CDCP1: variants seen among roughly 807,000 people sequenced by gnomAD.
The protein encoded by CDCP1 is CUB domain containing protein 1.
CDCP1 carries 29 observed loss-of-function variants against 60.2 expected under a neutral mutation model. The observed-to-expected ratio is 0.48, with a 90% CI of 0.36 to 0.66. The LOEUF (loss-of-function observed/expected upper bound fraction) is 0.66. Among genes scored for constraint, CDCP1 ranks in the 30% least tolerant of loss-of-function variants. The pLI, the probability that CDCP1 is intolerant of heterozygous loss-of-function variation, is 0.00. For synonymous variants in CDCP1, 387 were observed against 431.1 expected, an observed-to-expected ratio of 0.90 and a Z score of 1.27; for missense variants, 876 against 1,074.3, an observed-to-expected ratio of 0.82 and a Z score of 2.58.
At chr3:45,095,083 G>A (rs759132136) in intron 5 of CDCP1, among the ~76,000 whole-genome samples, 21 of 152,034 alleles carry the variant, frequency 1.4e-4, no homozygotes, top group Non-Finnish European at 2.8e-4. Context: ...ATAGGCGCCT[G>A]CCACCATGCC....
At chr3:45,141,075 C>T (rs1699280308) in intron 1 of CDCP1, among the ~76,000 whole-genome samples, 1 of 152,144 alleles carries the variant, frequency 6.6e-6, no homozygotes, top group Admixed American at 6.5e-5. Context: ...GTTGTGCACG[C>T]CTGTAATTCC....
chr3:45,108,940 TATATATATATATA>T, intron 4 of CDCP1, among the ~76,000 whole-genome samples: 1 of 55,878 alleles, frequency 1.8e-5, no homozygotes, highest in African/African-American at 6.1e-5. Flanking sequence ...TGTATACATA[TATATATATATATA>T]TTTTTTTTTT....
intron 1 of CDCP1, among the ~76,000 whole-genome samples, chr3:45,120,764 C>A (rs1698868490): frequency 6.6e-6 from 1 of 152,134 alleles, no homozygotes; most frequent in Admixed American, 6.5e-5. Context: ...AACCTCTTTC[C>A]CACCTCAGGG....
intron 1 of CDCP1, among the ~76,000 whole-genome samples, chr3:45,143,915 A>G (rs1450789507): frequency 6.6e-6 from 1 of 152,194 alleles, no homozygotes; most frequent in Admixed American, 6.5e-5. Context: ...TTGAATCGGA[A>G]ACAGAATGAA....
chr3:45,092,889 T>C (rs1183336203), intron 6 of CDCP1, among the ~76,000 whole-genome samples: 1 of 152,162 alleles, frequency 6.6e-6, no homozygotes, highest in Non-Finnish European at 1.5e-5. Context: ...CATTCTGAAT[T>C]GTAAAAGCAG....
At chr3:45,136,349 G>A (rs182199313) in intron 1 of CDCP1, among the ~76,000 whole-genome samples, 1 of 152,296 alleles carries the variant, frequency 6.6e-6, no homozygotes, top group African/African-American at 2.4e-5. Context: ...CCTTACAGTA[G>A]AAGTTAGCCC....
At chr3:45,107,488 G>A (rs531023677) in intron 4 of CDCP1, among the ~76,000 whole-genome samples, 106 of 152,008 alleles carry the variant, frequency 7.0e-4, no homozygotes, top group Non-Finnish European at 1.3e-3. Context: ...TTACAGTCAT[G>A]AGCCACCGCG....
chr3:45,090,161 C>G (rs1413383431), intron 7 of CDCP1, among the ~76,000 whole-genome samples: 1 of 152,170 alleles, frequency 6.6e-6, no homozygotes, highest in Non-Finnish European at 1.5e-5. Flanking sequence ...TGAGGCTAAC[C>G]AGTTGTGTGG....
intron 4 of CDCP1, among the ~76,000 whole-genome samples, chr3:45,106,812 G>A (rs1440842190): frequency 6.6e-6 from 1 of 152,132 alleles, no homozygotes; most frequent in Non-Finnish European, 1.5e-5. Flanking sequence ...GGGGTCGAGG[G>A]GGAAACTAGC....
intron 7 of CDCP1, 30 bp from the exon 8 acceptor site, chr3:45,089,171 AAGAGGC>A: frequency 6.3e-7 from 1 of 1,585,022 alleles, no homozygotes; most frequent in Admixed American, 1.7e-5. Context: ...GAGACAGATG[AAGAGGC>A]AGCTGGGGTG....
At chr3:45,138,954 G>C (rs903626567) in intron 1 of CDCP1, among the ~76,000 whole-genome samples, 1 of 152,226 alleles carries the variant, frequency 6.6e-6, no homozygotes, top group Non-Finnish European at 1.5e-5. Context: ...CATCTGGTGA[G>C]GGCCTCAGGC....
chr3:45,129,100 T>C (rs1203350618), intron 1 of CDCP1, among the ~76,000 whole-genome samples: 5 of 152,270 alleles, frequency 3.3e-5, no homozygotes, highest in Admixed American at 2.6e-4. Context: ...ATGCTTTGAA[T>C]CATTTTTCTA....
intron 1 of CDCP1, among the ~76,000 whole-genome samples, chr3:45,144,609 A>G (rs1699348596): frequency 6.6e-6 from 1 of 152,194 alleles, no homozygotes. Context: ...CCAGGAACAG[A>G]GGCTCTCATT....
chr3:45,143,222 G>T (rs148169335), intron 1 of CDCP1, among the ~76,000 whole-genome samples: 4 of 152,236 alleles, frequency 2.6e-5, no homozygotes, highest in Admixed American at 2.6e-4. Context: ...TAAAAAAAGA[G>T]TGTGCAGAAC....
At position 45,095,436 on chromosome 3, in the gene CDCP1, T is replaced by G. The variant is rs1272493694; in HGVS notation, c.1157A>C (p.Asn386Thr). Residue 386 changes from asparagine to threonine, a missense_variant, in exon 5 of 9, where the codon AAC becomes ACC. This residue lies in a region of CDCP1 where 726 missense variants were observed against 935.7 expected (regional missense o/e 0.78). Coordinates refer to ENST00000296129, the MANE Select transcript of CDCP1 (RefSeq NM_022842.5). ...TTTGGAGCCAGATGTCAGGGTGAGGTTGCTACTGCAGGTCCGAGATTCTAG... is the reference window on the plus strand; with the variant it reads ...TTTGGAGCCAGATGTCAGGGTGAGGGTGCTACTGCAGGTCCGAGATTCTAG... ...VCLESRTCSS[N>T]LTLTSGSKHK... 6.2e-7 allele frequency: 1 copy of G among 1,614,006 alleles called. No individual in the cohort carries two copies. Among genetic ancestry groups the G allele is most frequent in the East Asian group, 2.2e-5 (1 of 44,884 alleles).
chr3:45,091,512 C>T lies in CDCP1; in HGVS notation c.1654G>A (p.Asp552Asn). 6.2e-7 allele frequency: 1 copy of T among 1,605,566 alleles called. No individual in the cohort carries two copies. The highest frequency in any genetic ancestry group is 1.1e-5 in the South Asian group (1 of 90,076). The change falls in exon 7 of 9, where the codon GAC becomes AAC. Residue 552 changes from aspartate (D) to asparagine (N), a missense_variant. Around this residue, in one of 2 missense-constraint regions of CDCP1, gnomAD observed 726 missense variants for 935.7 expected, o/e 0.78. Coordinates refer to ENST00000296129, the MANE Select transcript of CDCP1 (RefSeq NM_022842.5). The surrounding 1 kb of genome is among the most constrained non-coding windows in gnomAD (Gnocchi z 4.8). ...CTCAGGTAGACCTTGCTTTTTGTGTCAGGGGTCACCGTGAAAACGCCTTCC... is the reference window on the plus strand; with the variant it reads ...CTCAGGTAGACCTTGCTTTTTGTGTTAGGGGTCACCGTGAAAACGCCTTCC... ...KEEGVFTVTP[D>N]TKSKVYLRTP...
chr3:45,118,564 C>G lies in CDCP1; in HGVS notation c.140G>C (p.Gly47Ala), dbSNP rs201428545. The G allele has an allele frequency of 1.2e-6, 2 of 1,614,078 alleles. No individual in the cohort carries two copies. The highest frequency in any genetic ancestry group is 1.3e-5 in the African/African-American group (1 of 75,042). The change falls in exon 2 of 9, where the codon GGG becomes GCG. Residue 47 changes from glycine to alanine, a missense_variant. Physicochemically the swap from Gly to Ala is moderately conservative, Grantham distance 60. This residue lies in a region of CDCP1 where 150 missense variants were observed against 138.6 expected (regional missense o/e 1.08). Coordinates refer to ENST00000296129, the MANE Select transcript of CDCP1 (RefSeq NM_022842.5). ...ESNITVLIKL[G>A]TPTLLAKPCY... Reference sequence around the variant, plus strand: ...GGGTTTTGCCAGCAGAGTCGGGGTCCCCAGCTTTATGAGAACTGTAATGTT... The same window carrying G: ...GGGTTTTGCCAGCAGAGTCGGGGTCGCCAGCTTTATGAGAACTGTAATGTT...
chr3:45,142,135 G>T (rs1366787005), intron 1 of CDCP1, among the ~76,000 whole-genome samples: 1 of 151,966 alleles, frequency 6.6e-6, no homozygotes, highest in African/African-American at 2.4e-5. Context: ...GCCTGGCTCG[G>T]TATAAACTTT....
At position 45,112,354 on chromosome 3, in the gene CDCP1, A is replaced by C; in HGVS notation, c.384T>G (p.Asp128Glu). ...LPTLNRTFIWDVKAHKSIGLE... is the reference protein window; with the variant it reads ...LPTLNRTFIWEVKAHKSIGLE... Reference sequence around the variant, plus strand: ...AACCGATGCTCTTATGAGCTTTGACATCCCAGATGAAAGTTCTGTTGAGGG... The same window carrying C: ...AACCGATGCTCTTATGAGCTTTGACCTCCCAGATGAAAGTTCTGTTGAGGG... The change falls in exon 3 of 9, where the codon GAT becomes GAG. Residue 128 changes from aspartate (D) to glutamate (E), a missense_variant. By Grantham distance (45) the Asp-to-Glu change is conservative. Around this residue, in one of 2 missense-constraint regions of CDCP1, gnomAD observed 726 missense variants for 935.7 expected, o/e 0.78. Transcript: ENST00000296129. 6.2e-7 allele frequency: 1 copy of C among 1,614,242 alleles called. No individual in the cohort carries two copies. The highest frequency in any genetic ancestry group is 8.5e-7 in the Non-Finnish European group (1 of 1,180,050).
Sources: allele counts gnomAD v4.1 joint callset (sites outside exome capture counted in the v4.1 genomes callset), GRCh38; gene constraint gnomAD v4.1.1; regional missense constraint gnomAD v4.1.1; non-coding constraint Gnocchi (gnomAD v3.1); transcripts MANE v1.5; gene names NCBI Gene and HGNC (gene_info 2026-07-23, HGNC 2026-07-21).